BRD3: variants seen among roughly 807,000 people sequenced by gnomAD.
BRD3 encodes the protein bromodomain-containing protein 3.
A neutral mutation model predicts 66.8 loss-of-function variants in BRD3; 17 were observed. The ratio of observed to expected loss-of-function variants is 0.25; its 90% CI spans 0.17 to 0.38. The LOEUF is 0.38. Ranked by LOEUF, BRD3 falls within the 10% of genes least tolerant of loss-of-function variation. BRD3 has a pLI of 1.00. For missense variants in BRD3, 713 were observed against 956.1 expected (o/e 0.75, Z 3.35); for synonymous variants, 421 against 393.2 (o/e 1.07, Z -0.84).
At chr9:134,040,909 C>T (rs1053769438) in intron 8 of BRD3, among the ~76,000 whole-genome samples, 2 of 152,182 alleles carry the variant, frequency 1.3e-5, no homozygotes, top group Admixed American at 1.3e-4. Flanking sequence ...ACTGCAGCCA[C>T]CTCCATGGGA....
Position 134,050,543 on chromosome 9 carries a change from G to T in BRD3, c.545C>A (p.Pro182His). ...GACGGTGGGGGGCACGCTCTGAAAG[G>T]GGGTCGCTGGGGAGACAGAGGACAC... ...AAVSSVSPATPFQSVPPTVSQ... is the reference protein window; with the variant it reads ...AAVSSVSPATHFQSVPPTVSQ... The change falls in exon 5 of 12, where the codon CCC (proline) becomes CAC (histidine). Residue 182 changes from proline (P) to histidine (H), a missense_variant. Around this residue, in one of 5 missense-constraint regions of BRD3, gnomAD observed 120 missense variants for 122.8 expected, o/e 0.98. Transcript: ENST00000303407. 1 of 1,604,892 alleles carries T rather than the reference G, an allele frequency of 6.2e-7. No individual in the cohort carries two copies. Among genetic ancestry groups the T allele is most frequent in the East Asian group, 2.2e-5 (1 of 44,834 alleles).
At chr9:134,056,665 A>G (rs1275164545) in intron 1 of BRD3, 1 of 152,302 alleles carries the variant, frequency 6.6e-6, no homozygotes, top group Non-Finnish European at 1.5e-5. Flanking sequence ...GGGACCCACC[A>G]CCTGGCAAGG....
intron 1 of BRD3, among the ~76,000 whole-genome samples, chr9:134,060,547 G>C (rs142020262): frequency 3.3e-5 from 5 of 151,580 alleles, no homozygotes; most frequent in Non-Finnish European, 7.4e-5. Flanking sequence ...AGCTGTGATC[G>C]CACTGCTGCA....
chr9:134,039,969 C>G, intron 9 of BRD3, 65 bp downstream of exon 9: 1 of 1,525,022 alleles, frequency 6.6e-7, no homozygotes, highest in Non-Finnish European at 8.8e-7. Context: ...AGCACTGCTG[C>G]TACATGAGCC....
rs200698336 is a variant in BRD3 at position 134,048,411 on chromosome 9, G to A, written c.758C>T (p.Thr253Met). The change falls in exon 6 of 12, where the codon ACG becomes ATG. Residue 253 changes from threonine to methionine, a missense_variant. This residue lies in a region of BRD3 where 418 missense variants were observed against 609.3 expected (regional missense o/e 0.69). Transcript: ENST00000303407. ...KRKADTTTPT[T>M]SAITASRSES... ...ACTCCGGCTGGCAGTGATGGCCGAC[G>A]TCGTGGGAGTGGTTGTGTCTGCTTT... 8.1e-6 allele frequency: 13 copies of A among 1,598,504 alleles called. No homozygotes were observed. Among genetic ancestry groups the A allele is most frequent in the African/African-American group, 6.7e-5 (5 of 74,936 alleles).
Position 134,050,555 on chromosome 9 carries a change from G to T in BRD3, c.533C>A (p.Ser178Tyr), listed in dbSNP as rs370414053. 6.2e-7 allele frequency: 1 copy of T among 1,606,458 alleles called. No homozygotes were observed. The highest frequency in any genetic ancestry group is 8.5e-7 in the Non-Finnish European group (1 of 1,177,638). Residue 178 changes from serine (S) to tyrosine (Y), a missense_variant, in exon 5 of 12, where the codon TCC (serine) becomes TAC (tyrosine). By Grantham distance (144) the Ser-to-Tyr change is moderately radical. This residue lies in a region of BRD3 where 120 missense variants were observed against 122.8 expected (regional missense o/e 0.98). Coordinates refer to ENST00000303407, the MANE Select transcript of BRD3 (RefSeq NM_007371.4). ...CACGCTCTGAAAGGGGGTCGCTGGG[G>T]AGACAGAGGACACGGCCGCCACTTG... ...TQQVAAVSSVSPATPFQSVPP... is the reference protein window; with the variant it reads ...TQQVAAVSSVYPATPFQSVPP...
intron 7 of BRD3, among the ~76,000 whole-genome samples, chr9:134,043,594 C>G (rs1375474910): frequency 1.3e-5 from 2 of 152,208 alleles, no homozygotes; most frequent in Non-Finnish European, 2.9e-5. Flanking sequence ...GGCCCCCGCT[C>G]GGCCGACAGC....
chr9:134,052,173 G>A (rs1830319905), intron 3 of BRD3, 133 bp downstream of exon 3: 1 of 1,173,148 alleles, frequency 8.5e-7, no homozygotes, highest in Non-Finnish European at 1.2e-6. Flanking sequence ...GATTACAGGT[G>A]TGAGCCACGG....
Position 134,065,439 on chromosome 9 carries a change from A to G in BRD3, c.-114+2506T>C, listed in dbSNP as rs1277311392. Among the ~76,000 whole-genome samples the G allele has an allele frequency of 3.4e-3, 508 of 149,832 alleles. 5 individuals are homozygous for G. Among genetic ancestry groups the G allele is most frequent in the African/African-American group, 0.011 (466 of 40,834 alleles). On this transcript the variant is annotated intron_variant, in intron 1 of 11. Coordinates refer to ENST00000303407, the MANE Select transcript of BRD3 (RefSeq NM_007371.4). The stretch of plus-strand genomic sequence containing the variant: ...ACTCCATCTCAAGAGGAGAAGAGAA[A>G]AAAAAAAAAAAAGGAACCTGCCTAG...
rs775091352 is a variant in BRD3, at chr9:134,041,817, T to A, written c.1350A>T (p.Ser450=). 1.1e-5 allele frequency: 18 copies of A among 1,612,922 alleles called. No individual in the cohort carries two copies. The South Asian group carries it at 1.8e-4, about 16-fold the overall frequency. The part of the protein sequence containing the change: ...SRSSEESSSD[S]GSSDSEEERA... ...GCTCCTCCTCCGAGTCCGAGCTGCC[T>A]GAGTCCGAAGAGCTCTCCTCACTGC... Residue 450 remains serine, a synonymous_variant, in exon 8 of 12, where the codon TCA becomes TCT. Coordinates refer to ENST00000303407, the MANE Select transcript of BRD3 (RefSeq NM_007371.4).
chr9:134,060,410 T>A (rs1425532031), intron 1 of BRD3, among the ~76,000 whole-genome samples: 2 of 151,926 alleles, frequency 1.3e-5, no homozygotes, highest in African/African-American at 2.4e-5. Flanking sequence ...CTGGGCAACA[T>A]AGTAAGGCCC....
chr9:134,063,313 C>G (rs1223931320), intron 1 of BRD3, among the ~76,000 whole-genome samples: 1 of 152,236 alleles, frequency 6.6e-6, no homozygotes. Context: ...CGTGCTTGAC[C>G]CTTGCCTCCT....
At chr9:134,059,096 G>T (rs902683937) in intron 1 of BRD3, among the ~76,000 whole-genome samples, 3 of 152,264 alleles carry the variant, frequency 2.0e-5, no homozygotes, top group Non-Finnish European at 4.4e-5. Flanking sequence ...ATCTTTCAGA[G>T]ATTTGGACTG....
At position 134,053,388 on chromosome 9, in the gene BRD3, G is replaced by A. The variant is rs1830344009; in HGVS notation, c.90C>T (p.Ser30=). The A allele has an allele frequency of 1.2e-6, 2 of 1,613,166 alleles. No homozygotes were observed. Among genetic ancestry groups the A allele is most frequent in the African/African-American group, 2.7e-5 (2 of 74,872 alleles). The part of the protein sequence containing the change: ...NPPPPEVSNP[S]KPGRKTNQLQ... Reference sequence around the variant, plus strand: ...GCTGGTTGGTCTTGCGGCCGGGCTTGCTGGGGTTGGAGACCTCCGGGGGGG... The same window carrying A: ...GCTGGTTGGTCTTGCGGCCGGGCTTACTGGGGTTGGAGACCTCCGGGGGGG... Residue 30 remains serine (S), a synonymous_variant, in exon 2 of 12, where the codon AGC becomes AGT. Transcript: ENST00000303407.
Position 134,035,952 on chromosome 9 carries a change from G to C in BRD3, c.1936+80C>G, listed in dbSNP as rs571661867. The C allele has an allele frequency of 2.1e-4, 324 of 1,514,846 alleles. No individual in the cohort carries two copies. In the Middle Eastern group the frequency reaches 5.2e-3, roughly 24 times the overall value. 93.8% of individuals were successfully genotyped at this position (1,514,846 alleles called of 1,614,324 possible). The stretch of plus-strand genomic sequence containing the variant: ...CCCTGTGCCCAAGCTCGCCGCACAG[G>C]GTCCGTGAGGAGTGACAGGAGGGGC... On this transcript the variant is annotated intron_variant, in intron 10 of 11. Coordinates refer to ENST00000303407, the MANE Select transcript of BRD3 (RefSeq NM_007371.4).
Position 134,031,635 on chromosome 9 carries a change from A to C in BRD3, c.*1955T>G. 1 of 214,090 alleles carries C rather than the reference A, an allele frequency of 4.7e-6. No homozygotes were observed. Among genetic ancestry groups the C allele is most frequent in the South Asian group, 1.9e-4 (1 of 5,348 alleles). The allele number at this position is 214,090 out of a possible 1,614,324, so 13.3% of individuals were successfully genotyped here. On this transcript the variant is annotated 3_prime_UTR_variant, in exon 12 of 12. Transcript: ENST00000303407. ...CTCACCAGCAATTTAAAAAATGATA[A>C]TTTACCAGCATCTCCTCATCAGAGT...
At chr9:134,042,126 G>T (rs529838212) in intron 7 of BRD3, among the ~76,000 whole-genome samples, 175 bp from the exon 8 acceptor site, 72 of 152,230 alleles carry the variant, frequency 4.7e-4, no homozygotes, top group African/African-American at 1.6e-3. Context: ...CTTCCAGCTT[G>T]CCCACCCTCC....
At chr9:134,054,961 C>T (rs372198057) in intron 1 of BRD3, among the ~76,000 whole-genome samples, 6 of 152,170 alleles carry the variant, frequency 3.9e-5, no homozygotes, top group Admixed American at 6.5e-5. Context: ...GAACGTGCCC[C>T]GTCTCTGGGG....
intron 1 of BRD3, among the ~76,000 whole-genome samples, chr9:134,066,386 C>A (rs1297620059): frequency 2.6e-5 from 4 of 152,212 alleles, no homozygotes; most frequent in Admixed American, 6.5e-5. Context: ...TGCATCAGGG[C>A]TGCCAGGGAA....
Sources: gnomAD v4.1 joint callset for allele counts (sites outside exome capture counted in the v4.1 genomes callset) on GRCh38, gnomAD v4.1.1 for gene constraint, gnomAD v4.1.1 regional missense constraint, MANE v1.5 for transcripts, NCBI Gene and HGNC (gene_info 2026-07-23, HGNC 2026-07-21) for gene names.